Variants in MEI4 observed in about 807,000 individuals in gnomAD.
The protein encoded by MEI4 is meiotic double-stranded break formation protein 4, also known as meiosis-specific protein MEI4.
A neutral mutation model predicts 31.4 loss-of-function variants in MEI4; 27 were observed. That is an observed-to-expected ratio of 0.86 (90% CI 0.63 to 1.19). The LOEUF (loss-of-function observed/expected upper bound fraction) is 1.19. Ranked by LOEUF, MEI4 falls within the 50% of genes most tolerant of loss-of-function variation. MEI4 has a pLI of 0.00. For missense variants in MEI4, 329 were observed against 398.9 expected (o/e 0.82, Z 1.49); for synonymous variants, 122 against 145.4 (o/e 0.84, Z 1.16).
intron 2 of MEI4, among the ~76,000 whole-genome samples, chr6:77,707,787 A>G (rs1450050482): frequency 6.6e-6 from 1 of 152,228 alleles, no homozygotes; most frequent in East Asian, 1.9e-4. Context: ...CCTGTGGCTC[A>G]AAAGGCCCCA....
chr6:77,828,631 T>A lies in MEI4; in HGVS notation c.769-300T>A, dbSNP rs575868075. ...AGGTAAGAGCTTAAGTATCTTGATT[T>A]ATCATCTCCTTTATTCATTCTGTAT... On this transcript the variant is annotated intron_variant, in intron 3 of 4. Transcript: ENST00000684080. Among the ~76,000 whole-genome samples, 38 of 152,292 alleles carry A rather than the reference T, an allele frequency of 2.5e-4. No individual in the cohort carries two copies. The South Asian group carries it at 3.1e-3, about 12-fold the overall frequency.
rs1554164780 is a variant in MEI4, at chr6:77,791,692, AG to A, written c.768+30028del. Among the ~76,000 whole-genome samples the A allele has an allele frequency of 9.9e-4, 123 of 124,814 alleles. 1 individual carries two copies. Among genetic ancestry groups the A allele is most frequent in the East Asian group, 9.3e-3 (24 of 2,574 alleles). 81.9% of individuals were successfully genotyped at this position (124,814 alleles called of 152,430 possible). ...AACTTAAAGTATAAAAAAAAAAAAAAGAAATATCTGTACATTGTGGAGTGGC... is the reference window on the plus strand; with the variant it reads ...AACTTAAAGTATAAAAAAAAAAAAAAAAATATCTGTACATTGTGGAGTGGC... On this transcript the variant is annotated intron_variant, in intron 3 of 4. Transcript: ENST00000684080.
chr6:77,775,492 G>T (rs1768417227), intron 3 of MEI4, among the ~76,000 whole-genome samples: 1 of 152,092 alleles, frequency 6.6e-6, no homozygotes, highest in Admixed American at 6.6e-5. Flanking sequence ...ATACCATCCA[G>T]GTTGATGTGA....
chr6:77,706,226 C>T (rs1447230130), intron 2 of MEI4, among the ~76,000 whole-genome samples: 1 of 152,052 alleles, frequency 6.6e-6, no homozygotes, highest in Non-Finnish European at 1.5e-5. Context: ...AAGAGCTGAC[C>T]ATAGGGAAAT....
chr6:77,903,739 T>C (rs144087773), intron 4 of MEI4, among the ~76,000 whole-genome samples: 112 of 152,296 alleles, frequency 7.4e-4, no homozygotes, highest in Non-Finnish European at 1.4e-3. Flanking sequence ...GTTTTTAGCA[T>C]GAAATGATGT....
chr6:77,798,019 A>G (rs1055124768), intron 3 of MEI4, among the ~76,000 whole-genome samples: 2 of 152,160 alleles, frequency 1.3e-5, no homozygotes, highest in Admixed American at 1.3e-4. Flanking sequence ...TTTATAATAT[A>G]AATAATAATA....
At chr6:77,733,892 A>T (rs4706657) in intron 2 of MEI4, among the ~76,000 whole-genome samples, 1 of 151,882 alleles carries the variant, frequency 6.6e-6, no homozygotes, top group Non-Finnish European at 1.5e-5. Context: ...TGTACCCAGT[A>T]GTCATTCAGG....
intron 4 of MEI4, among the ~76,000 whole-genome samples, chr6:77,905,475 CTTTTTTTTTTTTTTTTTTT>C (rs70974691): frequency 3.2e-5 from 3 of 93,342 alleles, no homozygotes; most frequent in Non-Finnish European, 6.3e-5. Context: ...AAATTTTCAG[CTTTTTTTTTTTTTTTTTTT>C]TTTTTTTTTT....
chr6:77,781,890 C>T (rs1224268947), intron 3 of MEI4, among the ~76,000 whole-genome samples: 6 of 152,196 alleles, frequency 3.9e-5, no homozygotes, highest in Admixed American at 2.0e-4. Flanking sequence ...TCAGAGAACT[C>T]TTCATCCTTT....
At chr6:77,903,400 T>C (rs182894182) in intron 4 of MEI4, among the ~76,000 whole-genome samples, 338 of 152,022 alleles carry the variant, frequency 2.2e-3, no homozygotes, top group African/African-American at 7.4e-3. Flanking sequence ...TCTTTCCAAA[T>C]GTAATGTAAT....
At chr6:77,691,745 G>A (rs1459034989) in intron 2 of MEI4, among the ~76,000 whole-genome samples, 1 of 151,970 alleles carries the variant, frequency 6.6e-6, no homozygotes, top group Non-Finnish European at 1.5e-5. Context: ...TAGGACCCTT[G>A]TGAGGGTGAA....
chr6:77,688,513 C>T (rs557316703), intron 1 of MEI4, among the ~76,000 whole-genome samples: 1 of 152,186 alleles, frequency 6.6e-6, no homozygotes, highest in Non-Finnish European at 1.5e-5. Context: ...AGACTATTAA[C>T]AAATCATATG....
chr6:77,858,029 C>A (rs1770783232), intron 4 of MEI4, among the ~76,000 whole-genome samples: 1 of 151,996 alleles, frequency 6.6e-6, no homozygotes, highest in Admixed American at 6.6e-5. Flanking sequence ...TTTATAATGC[C>A]TAAAACTATA....
At chr6:77,836,043 T>C (rs1770212023) in intron 4 of MEI4, among the ~76,000 whole-genome samples, 1 of 152,142 alleles carries the variant, frequency 6.6e-6, no homozygotes, top group Non-Finnish European at 1.5e-5. Context: ...TTTAAAAATT[T>C]ATTTAAAAAA....
intron 1 of MEI4, among the ~76,000 whole-genome samples, chr6:77,681,845 G>A (rs1043837092): frequency 1.3e-5 from 2 of 152,164 alleles, no homozygotes; most frequent in Non-Finnish European, 2.9e-5. Flanking sequence ...CTTCTGTCAC[G>A]CACAGACTCT....
At chr6:77,823,489 C>T (rs1769875657) in intron 3 of MEI4, among the ~76,000 whole-genome samples, 1 of 152,132 alleles carries the variant, frequency 6.6e-6, no homozygotes, top group African/African-American at 2.4e-5. Context: ...TAATTGCTTG[C>T]CTATTGTGTC....
At chr6:77,679,318 G>A (rs986366439) in intron 1 of MEI4, among the ~76,000 whole-genome samples, 3 of 151,994 alleles carry the variant, frequency 2.0e-5, no homozygotes, top group African/African-American at 4.8e-5. Context: ...CCCTATACAG[G>A]TATACCATTT....
chr6:77,773,284 T>C (rs959637305), intron 3 of MEI4, among the ~76,000 whole-genome samples: 5 of 151,958 alleles, frequency 3.3e-5, no homozygotes, highest in African/African-American at 9.7e-5. Context: ...ATTACCACTA[T>C]ACTGGAGAGC....
intron 4 of MEI4, among the ~76,000 whole-genome samples, chr6:77,829,327 G>A (rs141398144): frequency 2.2e-3 from 339 of 152,290 alleles, no homozygotes; most frequent in African/African-American, 7.4e-3. Flanking sequence ...GTGCTTAGAT[G>A]AACAGCTTTA....
Sources: allele counts gnomAD v4.1 joint callset (sites outside exome capture counted in the v4.1 genomes callset), GRCh38; gene constraint gnomAD v4.1.1; transcripts MANE v1.5; gene names NCBI Gene and HGNC (gene_info 2026-07-23, HGNC 2026-07-21).